The following VWA3A variants were observed in gnomAD, a reference collection of about 807,000 sequenced individuals.
VWA3A encodes von Willebrand factor A domain containing 3A.
In VWA3A, 134 loss-of-function variants were observed where a neutral mutation model predicts 160.4. That is an observed-to-expected ratio of 0.84 (90% CI 0.73 to 0.96). VWA3A has a LOEUF of 0.96. Among genes scored for constraint, VWA3A ranks in the 40% least tolerant of loss-of-function variants. The pLI, the probability that VWA3A is intolerant of heterozygous loss-of-function variation, is 0.00. For missense variants in VWA3A, 1,310 were observed against 1,447.9 expected (o/e 0.90, Z 1.55); for synonymous variants, 476 against 543.4 (o/e 0.88, Z 1.72).
In VWA3A at chr16:22,155,815, C is replaced by A. The variant is rs373506595; in HGVS notation, c.3504-36C>A. 3 of 1,613,568 alleles carry A rather than the reference C, an allele frequency of 1.9e-6. No individual in the cohort carries two copies. The Admixed American group carries it at 5.0e-5, about 27-fold the overall frequency. On this transcript the variant is annotated intron_variant, in intron 32 of 33. Coordinates refer to ENST00000389398, the MANE Select transcript of VWA3A (RefSeq NM_173615.5). ...CCAGCCAGCCCAGAAATCTGGGCAC[C>A]AGGGAGACCATCTTTCTTCATCTCC...
intron 16 of VWA3A, among the ~76,000 whole-genome samples, chr16:22,124,886 A>G (rs1371172375): frequency 2.0e-5 from 3 of 152,154 alleles, no homozygotes; most frequent in Non-Finnish European, 2.9e-5. Context: ...TTTGCTATCC[A>G]TAGCTGTCTC....
chr16:22,116,275 A>C, intron 9 of VWA3A: 1 of 378,726 alleles, frequency 2.6e-6, no homozygotes, highest in South Asian at 1.8e-5. Flanking sequence ...AGAAAAAGAA[A>C]AGAAGAAGGA....
chr16:22,151,669 C>T (rs1308236646), intron 30 of VWA3A, among the ~76,000 whole-genome samples: 2 of 151,578 alleles, frequency 1.3e-5, no homozygotes, highest in Non-Finnish European at 2.9e-5. Context: ...GCCAGGAGTT[C>T]GAGACCAGCC....
Position 22,130,295 on chromosome 16 carries a change from G to A in VWA3A, c.1653-910G>A, listed in dbSNP as rs569573464. On this transcript the variant is annotated intron_variant, in intron 17 of 33. Transcript: ENST00000389398. ...TCCACAAGGGGAAAGAGAAAAGAGC[G>A]AAGTCACTCATAGAGTAGCTTCCCA... 8.9e-4 allele frequency among the ~76,000 whole-genome samples: 136 copies of A among 152,192 alleles called. 1 individual carries two copies. The Middle Eastern group carries it at 0.017, about 19-fold the overall frequency.
intron 9 of VWA3A, 31 bp from the exon 10 acceptor site, chr16:22,116,728 G>A (rs1416768027): frequency 6.4e-7 from 1 of 1,555,552 alleles, no homozygotes; most frequent in South Asian, 1.1e-5. Context: ...TCTGACCTGG[G>A]ATTTCCACTT....
In VWA3A at chr16:22,126,164, G is replaced by T; in HGVS notation, c.1533-14G>T. ...AGATTCGGTTCTCCTCTTAAAGCTCGTGTTTCCTTTTAGGGTGGTTGTACT... is the reference window on the plus strand; with the variant it reads ...AGATTCGGTTCTCCTCTTAAAGCTCTTGTTTCCTTTTAGGGTGGTTGTACT... On this transcript the variant is annotated splice_polypyrimidine_tract_variant and intron_variant, in intron 16 of 33. Transcript: ENST00000389398. 1 of 1,613,070 alleles carries T rather than the reference G, an allele frequency of 6.2e-7. No homozygotes were observed. The highest frequency in any genetic ancestry group is 8.5e-7 in the Non-Finnish European group (1 of 1,179,534).
At chr16:22,123,917 G>T (rs987612094) in intron 16 of VWA3A, among the ~76,000 whole-genome samples, 1 of 151,986 alleles carries the variant, frequency 6.6e-6, no homozygotes, top group Admixed American at 6.6e-5. Context: ...GAGCATTTTT[G>T]CAATCCCAGC....
chr16:22,110,969 G>C lies in VWA3A; in HGVS notation c.664G>C (p.Asp222His). Residue 222 changes from aspartate to histidine, a missense_variant, in exon 8 of 34, where the codon GAC becomes CAC. By Grantham distance (81) the Asp-to-His change is moderately conservative (BLOSUM62 -1). Transcript: ENST00000389398. ...CACCAATGCCGGGTCCCTCTGGCCA[G>C]ACCCCATGGAAGTCAGCGCCTCCAC... ...FGTNAGSLWP[D>H]PMEVSASTLQ... 1 of 1,609,294 alleles carries C rather than the reference G, an allele frequency of 6.2e-7. No homozygotes were observed. The highest frequency in any genetic ancestry group is 8.5e-7 in the Non-Finnish European group (1 of 1,177,968).
intron 27 of VWA3A, among the ~76,000 whole-genome samples, chr16:22,146,768 CAA>C (rs756209623): frequency 6.0e-5 from 8 of 132,950 alleles, no homozygotes; most frequent in Non-Finnish European, 6.5e-5. Flanking sequence ...AAACTCTATC[CAA>C]AAAAAAAAAA....
intron 1 of VWA3A, 119 bp downstream of exon 1, chr16:22,092,770 C>G: frequency 7.7e-7 from 1 of 1,293,950 alleles, no homozygotes; most frequent in African/African-American, 1.5e-5. Context: ...GTGTCCACTC[C>G]CTACATGCCG....
chr16:22,110,505 A>T (rs1307982310), intron 7 of VWA3A, among the ~76,000 whole-genome samples: 1 of 152,162 alleles, frequency 6.6e-6, no homozygotes, highest in African/African-American at 2.4e-5. Context: ...GTCTACTATT[A>T]GCCAGGGCAG....
chr16:22,111,385 T>C (rs2045550022), intron 8 of VWA3A, among the ~76,000 whole-genome samples: 1 of 152,090 alleles, frequency 6.6e-6, no homozygotes, highest in South Asian at 2.1e-4. Context: ...AGTGGCACAA[T>C]CATAGCTCAT....
At chr16:22,137,420 G>C (rs2046065444) in intron 21 of VWA3A, among the ~76,000 whole-genome samples, 1 of 152,148 alleles carries the variant, frequency 6.6e-6, no homozygotes. Context: ...ATAATGGAAG[G>C]GTGCTGGCTT....
intron 1 of VWA3A, among the ~76,000 whole-genome samples, chr16:22,095,984 G>C (rs1285950645): frequency 6.6e-6 from 1 of 152,080 alleles, no homozygotes; most frequent in African/African-American, 2.4e-5. Context: ...GGAGGACAAG[G>C]ACAAAGTCTA....
chr16:22,124,961 A>G (rs754438797), intron 16 of VWA3A, among the ~76,000 whole-genome samples: 4 of 152,204 alleles, frequency 2.6e-5, no homozygotes, highest in Non-Finnish European at 5.9e-5. Flanking sequence ...GAAAGAACAA[A>G]TAAGGCTAGA....
intron 11 of VWA3A, among the ~76,000 whole-genome samples, chr16:22,117,494 C>G (rs2045667973): frequency 6.6e-6 from 1 of 152,180 alleles, no homozygotes; most frequent in African/African-American, 2.4e-5. Flanking sequence ...TTAATATAGG[C>G]CCCAGCCTAG....
At chr16:22,097,419 T>G (rs888753400) in intron 2 of VWA3A, among the ~76,000 whole-genome samples, 153 bp from the exon 3 acceptor site, 1 of 152,156 alleles carries the variant, frequency 6.6e-6, no homozygotes, top group Non-Finnish European at 1.5e-5. Context: ...GAGTCCACAT[T>G]TTATCAGGAC....
At chr16:22,154,892 T>A (rs1010428854) in intron 31 of VWA3A, among the ~76,000 whole-genome samples, 10 of 138,100 alleles carry the variant, frequency 7.2e-5, no homozygotes, top group African/African-American at 2.4e-4. Flanking sequence ...AAGCGGAGCT[T>A]GCAGTGAGCC....
chr16:22,129,388 CA>C (rs1193879527), intron 17 of VWA3A, among the ~76,000 whole-genome samples: 61 of 99,384 alleles, frequency 6.1e-4, no homozygotes, highest in Non-Finnish European at 9.5e-4. Flanking sequence ...GACTCCATCT[CA>C]AAAAAAAAAA....
Sources: gnomAD v4.1 joint callset for allele counts (sites outside exome capture counted in the v4.1 genomes callset) on GRCh38, gnomAD v4.1.1 for gene constraint, MANE v1.5 for transcripts, NCBI Gene and HGNC (gene_info 2026-07-23, HGNC 2026-07-21) for gene names.